The following RBFOX1 variants were observed in gnomAD, a reference collection of about 807,000 sequenced individuals.
RBFOX1 encodes the protein RNA binding fox-1 homolog 1.
In RBFOX1, 8 loss-of-function variants were observed where a neutral mutation model predicts 57.7. The ratio of observed to expected loss-of-function variants is 0.14; its 90% CI spans 0.08 to 0.25. The LOEUF is 0.25. Among genes scored for constraint, RBFOX1 ranks in the 10% least tolerant of loss-of-function variants. The probability of loss-of-function intolerance (pLI) is 1.00; values close to 1 mark genes in which losing one functional copy is unlikely to be tolerated. For synonymous variants in RBFOX1, 326 were observed against 222.4 expected, an observed-to-expected ratio of 1.47 and a Z score of -4.15; for missense variants, 611 against 548.5, an observed-to-expected ratio of 1.11 and a Z score of -1.14.
chr16:7,071,652 TA>T (rs2057366794), intron 4 of RBFOX1, among the ~76,000 whole-genome samples: 1 of 151,386 alleles, frequency 6.6e-6, no homozygotes, highest in Non-Finnish European at 1.5e-5. Context: ...AATTTATACA[TA>T]CATACATACA....
chr16:7,444,557 G>C (rs1395147050), intron 4 of RBFOX1, among the ~76,000 whole-genome samples: 1 of 151,856 alleles, frequency 6.6e-6, no homozygotes. Context: ...TTTTGAGACA[G>C]GGTTTTGCTG....
intron 4 of RBFOX1, among the ~76,000 whole-genome samples, chr16:7,388,052 T>C (rs1228272814): frequency 2.6e-5 from 4 of 152,178 alleles, no homozygotes; most frequent in African/African-American, 4.8e-5. Context: ...TGCTTTTTTT[T>C]TAATTTAAAG....
intron 1 of RBFOX1, among the ~76,000 whole-genome samples, chr16:6,150,277 T>C (rs1449852374): frequency 2.6e-5 from 4 of 152,014 alleles, no homozygotes; most frequent in African/African-American, 4.8e-5. Context: ...CCCCAGGAAG[T>C]TTACCCAGAT....
chr16:6,494,272 A>G (rs1474897573), intron 2 of RBFOX1, among the ~76,000 whole-genome samples: 3 of 152,070 alleles, frequency 2.0e-5, no homozygotes, highest in South Asian at 4.1e-4. Context: ...GTTCTGTACA[A>G]CTTCATCGTG....
chr16:5,800,560 C>G (rs1251199981), intron 3 of RBFOX1, among the ~76,000 whole-genome samples: 2 of 151,960 alleles, frequency 1.3e-5, no homozygotes, highest in African/African-American at 4.8e-5. Context: ...GGACAGATGA[C>G]CAAGGATGTG....
chr16:6,720,894 C>T (rs775031058), intron 3 of RBFOX1, among the ~76,000 whole-genome samples: 2 of 152,120 alleles, frequency 1.3e-5, no homozygotes, highest in Non-Finnish European at 2.9e-5. Context: ...TCCATTTTAC[C>T]TTAACATGAT....
chr16:7,174,731 G>A (rs986973218), intron 4 of RBFOX1, among the ~76,000 whole-genome samples: 7 of 152,220 alleles, frequency 4.6e-5, no homozygotes, highest in African/African-American at 1.7e-4. Context: ...AGTGAGCCAA[G>A]ATTGCGCCAT....
At position 6,863,725 on chromosome 16, in the gene RBFOX1, C is replaced by CTTTTTTTTTTTTTTT. The variant is rs71408412; in HGVS notation, c.-15-188319_-15-188305dup. 2.9e-3 allele frequency among the ~76,000 whole-genome samples: 195 copies of CTTTTTTTTTTTTTTT among 67,758 alleles called. 31 individuals are homozygous for CTTTTTTTTTTTTTTT. Among genetic ancestry groups the CTTTTTTTTTTTTTTT allele is most frequent in the Middle Eastern group, 0.013 (1 of 80 alleles). 44.5% of individuals were successfully genotyped at this position (67,758 alleles called of 152,430 possible). On this transcript the variant is annotated intron_variant, in intron 3 of 15. Transcript: ENST00000550418. ...CGGAAGCACAAATTGGATGCCTGCG[C>CTTTTTTTTTTTTTTT]TTTTTTTTTTTTTTTTTTTTTTTTT...
Position 6,178,177 on chromosome 16 carries a change from CTTTTTTTTT to C in RBFOX1, c.-126-138800_-126-138792del, listed in dbSNP as rs34382826. On this transcript the variant is annotated intron_variant, in intron 1 of 15. Coordinates refer to ENST00000550418, the MANE Select transcript of RBFOX1 (RefSeq NM_018723.4). ...CTTGCCCATATTTCCAAAGGTCACT[CTTTTTTTTT>C]TTTTTTTTTTTTTTTTTGGAGACAG... Among the ~76,000 whole-genome samples the C allele has an allele frequency of 9.3e-3, 646 of 69,654 alleles. 1 individual carries two copies. The highest frequency in any genetic ancestry group is 0.012 in the Non-Finnish European group (440 of 37,482). The allele number at this position is 69,654 out of a possible 152,430, so 45.7% of individuals were successfully genotyped here.
intron 1 of RBFOX1, among the ~76,000 whole-genome samples, chr16:6,198,073 A>G (rs2097192095): frequency 6.6e-6 from 1 of 152,172 alleles, no homozygotes; most frequent in South Asian, 2.1e-4. Context: ...TGACGCAGAT[A>G]ATTTAACTTG....
At chr16:6,602,829 G>T (rs975600324) in intron 2 of RBFOX1, among the ~76,000 whole-genome samples, 1 of 152,154 alleles carries the variant, frequency 6.6e-6, no homozygotes, top group South Asian at 2.1e-4. Flanking sequence ...GACAACTGGA[G>T]CTCATGCCCC....
At chr16:6,069,093 G>C (rs1471566281) in intron 1 of RBFOX1, among the ~76,000 whole-genome samples, 2 of 152,048 alleles carry the variant, frequency 1.3e-5, no homozygotes, top group African/African-American at 4.8e-5. Flanking sequence ...AGGAAGGAGC[G>C]AGGGAAGAGA....
chr16:5,742,935 T>C (rs555183727), intron 3 of RBFOX1, among the ~76,000 whole-genome samples: 2 of 152,314 alleles, frequency 1.3e-5, no homozygotes, highest in African/African-American at 4.8e-5. Context: ...CCATGGTGTG[T>C]ATCACAGCAG....
In RBFOX1 at chr16:5,366,902, T is replaced by C. The variant is rs868695397; in HGVS notation, c.220-100314T>C. Among the ~76,000 whole-genome samples, 54 of 152,186 alleles carry C rather than the reference T, an allele frequency of 3.5e-4. 1 individual carries two copies. Among genetic ancestry groups the C allele is most frequent in the African/African-American group, 1.2e-3 (50 of 41,428 alleles). On this transcript the variant is annotated intron_variant, in intron 1 of 2. Coordinates refer to the RBFOX1 transcript ENST00000585867. Reference sequence around the variant, plus strand: ...TTCACCCTTTGCTTGGTCTTAAGTATGAATGGAATGTTATGACAGGACATA... The same window carrying C: ...TTCACCCTTTGCTTGGTCTTAAGTACGAATGGAATGTTATGACAGGACATA...
At chr16:7,206,857 A>T (rs1378138867) in intron 4 of RBFOX1, among the ~76,000 whole-genome samples, 1 of 152,184 alleles carries the variant, frequency 6.6e-6, no homozygotes, top group Non-Finnish European at 1.5e-5. Flanking sequence ...TTATCAGAAA[A>T]AAAAAATGGA....
chr16:7,047,613 CTTAAT>C (rs1449009658), intron 3 of RBFOX1, among the ~76,000 whole-genome samples: 1 of 101,280 alleles, frequency 9.9e-6, no homozygotes, highest in South Asian at 4.1e-4. Flanking sequence ...GCCATTATTT[CTTAAT>C]TTTTTTTTTT....
At chr16:7,492,259 T>G (rs904724426) in intron 4 of RBFOX1, among the ~76,000 whole-genome samples, 1 of 152,226 alleles carries the variant, frequency 6.6e-6, no homozygotes, top group Non-Finnish European at 1.5e-5. Flanking sequence ...ATAAAAGGAA[T>G]GCAGATTAGC....
chr16:6,170,624 C>T (rs1444138431), intron 1 of RBFOX1, among the ~76,000 whole-genome samples: 1 of 152,064 alleles, frequency 6.6e-6, no homozygotes, highest in Non-Finnish European at 1.5e-5. Flanking sequence ...CTCAGGGGTG[C>T]ATAAGCAGTT....
At chr16:6,562,770 A>T (rs1378325524) in intron 2 of RBFOX1, among the ~76,000 whole-genome samples, 1 of 151,406 alleles carries the variant, frequency 6.6e-6, no homozygotes, top group Non-Finnish European at 1.5e-5. Context: ...TTTTCTTTCT[A>T]ATTGAGAAAG....
Sources: allele counts gnomAD v4.1 joint callset (sites outside exome capture counted in the v4.1 genomes callset), GRCh38; gene constraint gnomAD v4.1.1; transcripts MANE v1.5; gene names NCBI Gene and HGNC (gene_info 2026-07-23, HGNC 2026-07-21).